The following SH3GL2 variants were observed in gnomAD, a reference collection of about 807,000 sequenced individuals.
SH3GL2 encodes SH3 domain containing GRB2 like 2, endophilin A1.
In SH3GL2, 24 loss-of-function variants were observed where a neutral mutation model predicts 46.0. The ratio of observed to expected loss-of-function variants is 0.52; its 90% CI spans 0.38 to 0.73. The LOEUF is 0.73. Ranked by LOEUF, SH3GL2 falls within the 30% of genes least tolerant of loss-of-function variation. The probability of loss-of-function intolerance (pLI) is 0.00; values close to 1 mark genes in which losing one functional copy is unlikely to be tolerated. For missense variants in SH3GL2, 413 were observed against 424.2 expected, an observed-to-expected ratio of 0.97 and a Z score of 0.23; for synonymous variants, 196 against 147.1, an observed-to-expected ratio of 1.33 and a Z score of -2.40.
intron 1 of SH3GL2, chr9:17,590,527 A>G (rs116051359): frequency 5.7e-4 from 86 of 152,194 alleles, no homozygotes; most frequent in African/African-American, 2.0e-3. Flanking sequence ...ATTATGCTCT[A>G]TGTATTTTGG....
intron 1 of SH3GL2, among the ~76,000 whole-genome samples, chr9:17,694,473 G>C (rs751847427): frequency 6.6e-6 from 1 of 152,060 alleles, no homozygotes; most frequent in Non-Finnish European, 1.5e-5. Flanking sequence ...TACCCAGATC[G>C]CTGGATTTGC....
intron 4 of SH3GL2, 97 bp from the exon 5 acceptor site, chr9:17,787,283 G>A (rs1823987310): frequency 3.2e-6 from 3 of 934,024 alleles, no homozygotes; most frequent in East Asian, 4.9e-5. Context: ...TAGAAGACAA[G>A]TGGTAATCCT....
chr9:17,635,611 A>G (rs1480854155), intron 1 of SH3GL2, among the ~76,000 whole-genome samples: 2 of 152,148 alleles, frequency 1.3e-5, no homozygotes, highest in Non-Finnish European at 2.9e-5. Context: ...TTCGGGATGC[A>G]CTGTTCTTGA....
At chr9:17,738,064 A>ATTTGT in intron 1 of SH3GL2, among the ~76,000 whole-genome samples, 1 of 152,204 alleles carries the variant, frequency 6.6e-6, no homozygotes, top group East Asian at 1.9e-4. Flanking sequence ...TATTGAAATG[A>ATTTGT]TTTGTTTATA....
chr9:17,711,486 C>G (rs1276049712), intron 1 of SH3GL2, among the ~76,000 whole-genome samples: 2 of 151,792 alleles, frequency 1.3e-5, no homozygotes, highest in Admixed American at 6.6e-5. Context: ...CCTCCATTTC[C>G]CCAGACGACC....
intron 1 of SH3GL2, among the ~76,000 whole-genome samples, chr9:17,689,073 T>TC (rs1821001116): frequency 6.6e-6 from 1 of 152,064 alleles, no homozygotes; most frequent in African/African-American, 2.4e-5. Flanking sequence ...TGATAAATCA[T>TC]GTTGATAGTG....
intron 1 of SH3GL2, among the ~76,000 whole-genome samples, chr9:17,688,328 A>G (rs779917851): frequency 2.0e-5 from 3 of 152,036 alleles, no homozygotes; most frequent in Non-Finnish European, 4.4e-5. Context: ...GCTTGCTTTG[A>G]TCAACGGTGA....
intron 1 of SH3GL2, among the ~76,000 whole-genome samples, chr9:17,739,578 T>G (rs1822465094): frequency 6.6e-6 from 1 of 151,342 alleles, no homozygotes; most frequent in African/African-American, 2.4e-5. Context: ...TATCTGATGA[T>G]GAACTAAATT....
At chr9:17,636,223 G>A (rs538402949) in intron 1 of SH3GL2, among the ~76,000 whole-genome samples, 1 of 152,266 alleles carries the variant, frequency 6.6e-6, no homozygotes, top group East Asian at 1.9e-4. Flanking sequence ...AGCACCAAGT[G>A]CATCTTATGA....
intron 1 of SH3GL2, among the ~76,000 whole-genome samples, chr9:17,618,825 G>A (rs1401409905): frequency 6.8e-6 from 1 of 147,550 alleles, no homozygotes; most frequent in African/African-American, 2.5e-5. Flanking sequence ...GTGGTTTAAG[G>A]AGTTGAAAGT....
chr9:17,711,693 G>A (rs1348829916), intron 1 of SH3GL2, among the ~76,000 whole-genome samples: 1 of 151,768 alleles, frequency 6.6e-6, no homozygotes, highest in African/African-American at 2.4e-5. Context: ...ATATACCACA[G>A]TTTGTTTATC....
chr9:17,755,506 T>C (rs1453469738), intron 2 of SH3GL2, among the ~76,000 whole-genome samples: 2 of 152,164 alleles, frequency 1.3e-5, no homozygotes, highest in Non-Finnish European at 2.9e-5. Context: ...GTCTCACTTT[T>C]TCCCAGGCTA....
chr9:17,659,105 G>A lies in SH3GL2; in HGVS notation c.45+79818G>A, dbSNP rs549448849. Among the ~76,000 whole-genome samples the A allele has an allele frequency of 4.6e-5, 7 of 152,258 alleles. No individual in the cohort carries two copies. The East Asian group carries it at 1.2e-3, about 25-fold the overall frequency. ...AGGGAATTAACTGGAGATAGAACTG[G>A]GAAGCCAGGGAGAGAATATAGAGTG... is the stretch of plus-strand genomic sequence containing the variant. On this transcript the variant is annotated intron_variant, in intron 1 of 8. Coordinates refer to ENST00000380607, the MANE Select transcript of SH3GL2 (RefSeq NM_003026.5).
intron 1 of SH3GL2, among the ~76,000 whole-genome samples, chr9:17,649,138 T>C (rs543459128): frequency 1.3e-5 from 2 of 152,368 alleles, no homozygotes; most frequent in East Asian, 1.9e-4. Flanking sequence ...TCTTACCCTG[T>C]CACCCACAGT....
intron 1 of SH3GL2, among the ~76,000 whole-genome samples, chr9:17,585,709 G>A (rs890015286): frequency 3.3e-5 from 5 of 152,176 alleles, no homozygotes; most frequent in East Asian, 1.9e-4. Flanking sequence ...TTCACAGTGC[G>A]TTGCATTGGT....
intron 1 of SH3GL2, among the ~76,000 whole-genome samples, chr9:17,621,009 T>C (rs1408693081): frequency 6.6e-6 from 1 of 152,124 alleles, no homozygotes; most frequent in African/African-American, 2.4e-5. Context: ...CATGAGAAAG[T>C]TTTCCAGCGT....
chr9:17,659,944 T>C (rs536461110), intron 1 of SH3GL2, among the ~76,000 whole-genome samples: 34 of 152,206 alleles, frequency 2.2e-4, no homozygotes, highest in Non-Finnish European at 4.4e-4. Flanking sequence ...CTTTCCCCAG[T>C]CTGTAAACAT....
chr9:17,592,193 A>G (rs1251522441), intron 1 of SH3GL2, among the ~76,000 whole-genome samples: 1 of 152,220 alleles, frequency 6.6e-6, no homozygotes, highest in Non-Finnish European at 1.5e-5. Context: ...GTCCAAGGGC[A>G]GGAGAAGATG....
In SH3GL2 at chr9:17,643,979, G is replaced by A. The variant is rs1318437297; in HGVS notation, c.45+64692G>A. Among the ~76,000 whole-genome samples the A allele has an allele frequency of 4.6e-5, 7 of 152,080 alleles. No individual in the cohort carries two copies. In the South Asian group the frequency reaches 1.2e-3, roughly 27 times the overall value. On this transcript the variant is annotated intron_variant, in intron 1 of 8. Coordinates refer to ENST00000380607, the MANE Select transcript of SH3GL2 (RefSeq NM_003026.5). ...TCTGGTCCTGGGCTTTTCTTTGGTT[G>A]GTAGGCTATTAATTACTGCCTCAAT... is the stretch of plus-strand genomic sequence containing the variant.
Sources: allele counts gnomAD v4.1 joint callset (sites outside exome capture counted in the v4.1 genomes callset), GRCh38; gene constraint gnomAD v4.1.1; transcripts MANE v1.5; gene names NCBI Gene and HGNC (gene_info 2026-07-23, HGNC 2026-07-21).